The following CHRNA7 variants were observed in gnomAD, a reference collection of about 807,000 sequenced individuals.
The protein encoded by CHRNA7 is neuronal acetylcholine receptor subunit alpha-7.
CHRNA7 carries 17 observed loss-of-function variants against 48.0 expected under a neutral mutation model. The ratio of observed to expected loss-of-function variants is 0.35; its 90% CI spans 0.24 to 0.53. The LOEUF (loss-of-function observed/expected upper bound fraction) is 0.53. Ranked by LOEUF, CHRNA7 falls within the 20% of genes least tolerant of loss-of-function variation. The pLI, the probability that CHRNA7 is intolerant of heterozygous loss-of-function variation, is 0.92. For missense variants in CHRNA7, 155 were observed against 577.7 expected (o/e 0.27, Z 7.50); for synonymous variants, 75 against 242.3 (o/e 0.31, Z 6.41).
intron 2 of CHRNA7, among the ~76,000 whole-genome samples, chr15:32,093,942 G>A (rs2050424196): frequency 6.6e-6 from 1 of 152,164 alleles, no homozygotes; most frequent in South Asian, 2.1e-4. Flanking sequence ...TCACTCTGCT[G>A]GGGGAGTTCT....
chr15:32,103,074 A>G (rs1310286139), intron 3 of CHRNA7: 1 of 152,238 alleles, frequency 6.6e-6, no homozygotes, highest in Admixed American at 6.5e-5. Context: ...GAGGTAAGAT[A>G]AGAGAAATGT....
At chr15:32,066,158 T>A (rs1404773076) in intron 2 of CHRNA7, among the ~76,000 whole-genome samples, 2 of 152,252 alleles carry the variant, frequency 1.3e-5, no homozygotes, top group Admixed American at 6.5e-5. Flanking sequence ...AAGACTTTAG[T>A]GAGTATACAC....
chr15:32,127,723 T>A (rs576587854), intron 4 of CHRNA7, among the ~76,000 whole-genome samples: 86 of 152,138 alleles, frequency 5.7e-4, no homozygotes, highest in Non-Finnish European at 1.1e-3. Flanking sequence ...TTTTGTCAGA[T>A]ATGTGTTTTG....
chr15:32,119,642 A>AG (rs2050932997), intron 4 of CHRNA7, among the ~76,000 whole-genome samples: 1 of 148,440 alleles, frequency 6.7e-6, no homozygotes, highest in South Asian at 2.1e-4. Context: ...TTAAAAAAAA[A>AG]TATTTATTCA....
intron 2 of CHRNA7, among the ~76,000 whole-genome samples, chr15:32,047,444 G>C (rs1044176087): frequency 2.4e-4 from 37 of 152,210 alleles, no homozygotes; most frequent in African/African-American, 8.2e-4. Context: ...TTGCGAATGG[G>C]AGTTCACTCA....
chr15:32,085,421 A>G (rs1595429652), intron 2 of CHRNA7, among the ~76,000 whole-genome samples: 3 of 152,322 alleles, frequency 2.0e-5, no homozygotes, highest in African/African-American at 4.8e-5. Flanking sequence ...ACTTAGCACC[A>G]TATTCCATTC....
intron 4 of CHRNA7, among the ~76,000 whole-genome samples, chr15:32,115,804 G>A (rs1279575553): frequency 1.3e-5 from 2 of 152,102 alleles, no homozygotes. Flanking sequence ...GGAAGGGAGG[G>A]TGCAGGAATT....
chr15:32,040,131 A>G (rs2141169161), intron 2 of CHRNA7, among the ~76,000 whole-genome samples: 1 of 152,170 alleles, frequency 6.6e-6, no homozygotes, highest in Non-Finnish European at 1.5e-5. Flanking sequence ...CTGTTAATTT[A>G]TATGTGTCTT....
intron 2 of CHRNA7, among the ~76,000 whole-genome samples, chr15:32,041,150 T>C (rs567249067): frequency 5.6e-4 from 85 of 152,306 alleles, no homozygotes; most frequent in Admixed American, 1.2e-3. Flanking sequence ...TTCCCCCACA[T>C]GTATCAGCTT....
intron 2 of CHRNA7, among the ~76,000 whole-genome samples, chr15:32,054,480 T>C (rs989275822): frequency 6.6e-6 from 1 of 152,200 alleles, no homozygotes; most frequent in African/African-American, 2.4e-5. Flanking sequence ...GTAGAGTAGA[T>C]ATACACTAAT....
chr15:32,111,858 A>G lies in CHRNA7; in HGVS notation c.309A>G (p.Pro103=). 6.2e-7 allele frequency: 1 copy of G among 1,613,690 alleles called. No homozygotes were observed. The highest frequency in any genetic ancestry group is 8.5e-7 in the Non-Finnish European group (1 of 1,179,546). The change falls in exon 4 of 10, where the codon CCA becomes CCG. Residue 103 remains proline (P), a synonymous_variant. Transcript: ENST00000306901. ...CAGGGGTGAAGACTGTTCGTTTCCC[A>G]GATGGCCAGATTTGGAAACCAGACA... The part of the protein sequence containing the change: ...EYPGVKTVRF[P]DGQIWKPDIL...
intron 4 of CHRNA7, among the ~76,000 whole-genome samples, chr15:32,141,980 G>A (rs531108696): frequency 6.6e-6 from 1 of 152,294 alleles, no homozygotes; most frequent in South Asian, 2.1e-4. Context: ...GGTGAAGAGG[G>A]CATCCTTGTC....
chr15:32,094,746 C>T (rs1465935351), intron 2 of CHRNA7, among the ~76,000 whole-genome samples: 9 of 152,092 alleles, frequency 5.9e-5, no homozygotes, highest in Admixed American at 1.3e-4. Context: ...CTGCAAGCTC[C>T]GCCTCCCAGG....
At chr15:32,056,953 A>T (rs901462837) in intron 2 of CHRNA7, among the ~76,000 whole-genome samples, 1 of 152,242 alleles carries the variant, frequency 6.6e-6, no homozygotes, top group African/African-American at 2.4e-5. Context: ...CAGGACCAGA[A>T]GAGGTTCAGA....
chr15:32,035,785 A>G (rs1465035943), intron 2 of CHRNA7, among the ~76,000 whole-genome samples: 1 of 152,208 alleles, frequency 6.6e-6, no homozygotes, highest in African/African-American at 2.4e-5. Flanking sequence ...ATTTAAAAAA[A>G]TCTTTACTTT....
intron 2 of CHRNA7, among the ~76,000 whole-genome samples, chr15:32,065,023 T>C (rs1008116059): frequency 4.6e-5 from 7 of 151,994 alleles, no homozygotes; most frequent in Admixed American, 2.0e-4. Flanking sequence ...CTCCATAAAA[T>C]CAGAAAGAAG....
chr15:32,056,871 A>G (rs2049796479), intron 2 of CHRNA7, among the ~76,000 whole-genome samples: 1 of 152,218 alleles, frequency 6.6e-6, no homozygotes, highest in Admixed American at 6.5e-5. Flanking sequence ...TTGTTAACAA[A>G]GAAAACATTA....
intron 4 of CHRNA7, among the ~76,000 whole-genome samples, chr15:32,145,948 A>G (rs1028829875): frequency 2.6e-5 from 4 of 152,076 alleles, no homozygotes; most frequent in Non-Finnish European, 4.4e-5. Flanking sequence ...ACCAGTCCCA[A>G]TGAGATGAAC....
At chr15:32,050,433 C>T (rs965987189) in intron 2 of CHRNA7, among the ~76,000 whole-genome samples, 13 of 152,292 alleles carry the variant, frequency 8.5e-5, no homozygotes, top group East Asian at 7.7e-4. Context: ...TCCAGTTGAT[C>T]GCATCGGCTC....
Sources: allele counts gnomAD v4.1 joint callset (sites outside exome capture counted in the v4.1 genomes callset), GRCh38; gene constraint gnomAD v4.1.1; transcripts MANE v1.5; gene names NCBI Gene and HGNC (gene_info 2026-07-23, HGNC 2026-07-21).